PCDHGA1: variants seen among roughly 807,000 people sequenced by gnomAD.
PCDHGA1 encodes the protein protocadherin gamma-A1.
In PCDHGA1, 32 loss-of-function variants were observed where a neutral mutation model predicts 58.0. The observed-to-expected ratio is 0.55, with a 90% CI of 0.42 to 0.74. The LOEUF (loss-of-function observed/expected upper bound fraction) is 0.74, where lower values mean the gene tolerates loss of function less well. PCDHGA1 is among the 30% of genes least tolerant of loss of function. The pLI is 0.00. For missense variants in PCDHGA1, 1,205 were observed against 1,182.3 expected (o/e 1.02, Z -0.28); for synonymous variants, 498 against 501.1 (o/e 0.99, Z 0.08).
chr5:141,355,556 T>A, intron 1 of PCDHGA1: 1 of 1,613,912 alleles, frequency 6.2e-7, no homozygotes, highest in Non-Finnish European at 8.5e-7. Flanking sequence ...ATTTTGCGGG[T>A]AGAGGTGGAA....
intron 1 of PCDHGA1, chr5:141,372,265 G>C: frequency 1.5e-5 from 25 of 1,613,132 alleles, no homozygotes; most frequent in Non-Finnish European, 2.1e-5. Flanking sequence ...CTGCGCACGG[G>C]TGAGGTGCGC....
intron 1 of PCDHGA1, chr5:141,430,896 G>A: frequency 6.2e-7 from 1 of 1,606,012 alleles, no homozygotes; most frequent in Admixed American, 1.7e-5. Context: ...TCTAGGGTGG[G>A]CGACATCTCC....
At chr5:141,442,158 A>T (rs966591795) in intron 1 of PCDHGA1, 1 of 157,594 alleles carries the variant, frequency 6.3e-6, no homozygotes, top group African/African-American at 2.4e-5. Context: ...CTCAGCGATC[A>T]CTCTGCAAAG....
At chr5:141,360,575 A>G in intron 1 of PCDHGA1, 1 of 1,614,000 alleles carries the variant, frequency 6.2e-7, no homozygotes, top group Non-Finnish European at 8.5e-7. Flanking sequence ...GAATCCACTA[A>G]GCCAGGTACA....
intron 1 of PCDHGA1, chr5:141,343,122 A>G (rs918115736): frequency 1.2e-4 from 24 of 202,550 alleles, no homozygotes; most frequent in Non-Finnish European, 1.5e-4. Context: ...GTTTGCTTTT[A>G]TATCCTTATA....
intron 1 of PCDHGA1, among the ~76,000 whole-genome samples, chr5:141,438,587 CAT>C (rs1372372472): frequency 3.8e-4 from 28 of 73,432 alleles, no homozygotes; most frequent in African/African-American, 1.4e-3. Flanking sequence ...TACATACATA[CAT>C]ACATATATAT....
In PCDHGA1 at chr5:141,489,291, C is replaced by A; in HGVS notation, c.2422-5516C>A. ...TCGCTGGGAAATGGCAAGTGCTGTG[C>A]ATGTTGTCCTTGTGCTGCTGGGGCT... is the stretch of plus-strand genomic sequence containing the variant. On this transcript the variant is annotated intron_variant, in intron 1 of 3. Transcript: ENST00000517417. This position sits in a 1 kb window ranked among gnomAD's most constrained non-coding sequence, Gnocchi z 4.5. 6.3e-7 allele frequency: 1 copy of A among 1,577,628 alleles called. No homozygotes were observed. The highest frequency in any genetic ancestry group is 8.6e-7 in the Non-Finnish European group (1 of 1,161,994).
intron 1 of PCDHGA1, among the ~76,000 whole-genome samples, chr5:141,475,620 G>A (rs2154572702): frequency 6.6e-6 from 1 of 152,238 alleles, no homozygotes; most frequent in Admixed American, 6.5e-5. Flanking sequence ...TTTTCGGTTT[G>A]GTTCGATCCC....
At chr5:141,437,741 C>CT (rs35124340) in intron 1 of PCDHGA1, among the ~76,000 whole-genome samples, 18,734 of 141,656 alleles carry the variant, frequency 0.13, 1,459 homozygotes, top group African/African-American at 0.22. Context: ...TTGAGTTCAC[C>CT]TTTTTTTTTT....
chr5:141,366,386 G>C, intron 1 of PCDHGA1: 1 of 1,614,164 alleles, frequency 6.2e-7, no homozygotes, highest in South Asian at 1.1e-5. Flanking sequence ...TGACCCTGAG[G>C]ATCTGGACCT....
rs2099702455 is a variant in PCDHGA1, at chr5:141,490,641, G to C, written c.2422-4166G>C. 6.2e-7 allele frequency: 1 copy of C among 1,614,042 alleles called. No homozygotes were observed. Among genetic ancestry groups the C allele is most frequent in the Admixed American group, 1.7e-5 (1 of 60,004 alleles). On this transcript the variant is annotated intron_variant, in intron 1 of 3. Coordinates refer to ENST00000517417, the MANE Select transcript of PCDHGA1 (RefSeq NM_018912.3). The surrounding 1 kb of genome is among the most constrained non-coding windows in gnomAD (Gnocchi z 5.4). ...ACACTGCTTACATCCTAGAAAACCG[G>C]CCTCCGGGCTCCCTTCTTTGCACTG...
At chr5:141,401,115 G>A (rs923480761) in intron 1 of PCDHGA1, among the ~76,000 whole-genome samples, 8 of 152,092 alleles carry the variant, frequency 5.3e-5, no homozygotes, top group Admixed American at 3.9e-4. Context: ...AGGCCGAGGC[G>A]GTTGGATCAC....
chr5:141,362,574 T>C, intron 1 of PCDHGA1: 3 of 1,605,712 alleles, frequency 1.9e-6, no homozygotes, highest in Non-Finnish European at 2.6e-6. Flanking sequence ...TTAATTAATT[T>C]ATTTTCACTT....
chr5:141,462,375 T>G (rs2099038282), intron 1 of PCDHGA1, among the ~76,000 whole-genome samples: 1 of 152,252 alleles, frequency 6.6e-6, no homozygotes, highest in Non-Finnish European at 1.5e-5. Context: ...TTCTATTCTT[T>G]TAAATTCGTT....
chr5:141,351,474 C>A (rs1459307602), intron 1 of PCDHGA1: 1 of 1,613,696 alleles, frequency 6.2e-7, no homozygotes, highest in East Asian at 2.2e-5. Context: ...ATTGCTGGAG[C>A]CCTAAACCGG....
In PCDHGA1 at chr5:141,476,990, C is replaced by A; in HGVS notation, c.2422-17817C>A. On this transcript the variant is annotated intron_variant, in intron 1 of 3. Coordinates refer to ENST00000517417, the MANE Select transcript of PCDHGA1 (RefSeq NM_018912.3). The surrounding 1 kb of genome is among the most constrained non-coding windows in gnomAD (Gnocchi z 7.6). Reference sequence around the variant, plus strand: ...CGGCAGCCACAACCGCGCCGGCGTGCGGCAACTATTCGCCTTAGACCTTGT... The same window carrying A: ...CGGCAGCCACAACCGCGCCGGCGTGAGGCAACTATTCGCCTTAGACCTTGT... The A allele has an allele frequency of 6.2e-7, 1 of 1,614,220 alleles. No individual in the cohort carries two copies. Among genetic ancestry groups the A allele is most frequent in the South Asian group, 1.1e-5 (1 of 91,090 alleles).
intron 1 of PCDHGA1, among the ~76,000 whole-genome samples, chr5:141,484,369 G>A (rs1218433750): frequency 6.6e-6 from 1 of 152,164 alleles, no homozygotes; most frequent in Non-Finnish European, 1.5e-5. Flanking sequence ...TGTATCACTA[G>A]CAAATGTCTG....
At chr5:141,417,628 A>T (rs2096139720) in intron 1 of PCDHGA1, 1 of 692,650 alleles carries the variant, frequency 1.4e-6, no homozygotes, top group Non-Finnish European at 2.3e-6. Context: ...GCAAGCGCTG[A>T]CGCCGGGGAT....
Position 141,486,747 on chromosome 5 carries a change from A to G in PCDHGA1, c.2422-8060A>G, listed in dbSNP as rs750666508. The G allele has an allele frequency of 3.1e-6, 5 of 1,614,210 alleles. No homozygotes were observed. The highest frequency in any genetic ancestry group is 4.2e-6 in the Non-Finnish European group (5 of 1,180,034). On this transcript the variant is annotated intron_variant, in intron 1 of 3. Transcript: ENST00000517417. This position sits in a 1 kb window ranked among gnomAD's most constrained non-coding sequence, Gnocchi z 5.0. Reference sequence around the variant, plus strand: ...GTTCATGCTACTCGATCCTTTGACTATGAGCAAACCCAGACACTGCAGTTT... The same window carrying G: ...GTTCATGCTACTCGATCCTTTGACTGTGAGCAAACCCAGACACTGCAGTTT...
Sources: allele counts gnomAD v4.1 joint callset (sites outside exome capture counted in the v4.1 genomes callset), GRCh38; gene constraint gnomAD v4.1.1; non-coding constraint Gnocchi (gnomAD v3.1); transcripts MANE v1.5; gene names NCBI Gene and HGNC (gene_info 2026-07-23, HGNC 2026-07-21).